Variants in CRHR2 observed in about 807,000 individuals in gnomAD.
CRHR2 encodes the protein corticotropin releasing hormone receptor 2.
A neutral mutation model predicts 57.9 loss-of-function variants in CRHR2; 53 were observed. The ratio of observed to expected loss-of-function variants is 0.92; its 90% confidence interval spans 0.73 to 1.15. CRHR2 has a LOEUF of 1.15. Ranked by LOEUF, CRHR2 falls within the 50% of genes most tolerant of loss-of-function variation. CRHR2 has a pLI of 0.00. For missense variants in CRHR2, 532 were observed against 542.6 expected (o/e 0.98, Z 0.19); for synonymous variants, 213 against 220.9 (o/e 0.96, Z 0.32).
At chr7:30,692,256 G>A (rs969615734) in intron 1 of CRHR2, among the ~76,000 whole-genome samples, 3 of 152,156 alleles carry the variant, frequency 2.0e-5, no homozygotes, top group Non-Finnish European at 4.4e-5. Context: ...TCCCCTCATC[G>A]GGACTCCCAA....
chr7:30,694,668 A>G (rs1019073182), intron 1 of CRHR2, among the ~76,000 whole-genome samples: 6 of 151,946 alleles, frequency 3.9e-5, no homozygotes, highest in Non-Finnish European at 8.8e-5. Context: ...CTCAGCTGGG[A>G]GGGGCAGCAT....
intron 11 of CRHR2, among the ~76,000 whole-genome samples, chr7:30,654,354 T>C: frequency 6.6e-6 from 1 of 152,194 alleles, no homozygotes; most frequent in East Asian, 1.9e-4. Flanking sequence ...ACTTTGCAAG[T>C]GGAATGTGCT....
chr7:30,653,706 T>C lies in CRHR2; in HGVS notation c.1096-106A>G. The C allele has an allele frequency of 7.3e-7, 1 of 1,367,772 alleles. No homozygotes were observed. Among genetic ancestry groups the C allele is most frequent in the Non-Finnish European group, 9.7e-7 (1 of 1,030,458 alleles). 84.7% of individuals were successfully genotyped at this position (1,367,772 alleles called of 1,614,324 possible). A position where few individuals can be genotyped will look rare whatever the true frequency, so the allele number is the denominator to read the frequency against. On this transcript the variant is annotated intron_variant, in intron 11 of 11. Transcript: ENST00000471646. The surrounding 1 kb of genome is among the most constrained non-coding windows in gnomAD (Gnocchi z 5.0). ...TCTCATGGGTCGACTGCCACCCTCA[T>C]GACAAGGAACTGTCTGCTTCCAAAA...
At chr7:30,659,591 CGGT>C (rs1783918460) in intron 8 of CRHR2, among the ~76,000 whole-genome samples, 1 of 152,172 alleles carries the variant, frequency 6.6e-6, no homozygotes, top group Non-Finnish European at 1.5e-5. Context: ...CAAGCCCTGA[CGGT>C]GGAATTTCCA....
intron 8 of CRHR2, among the ~76,000 whole-genome samples, chr7:30,657,990 A>G (rs962480542): frequency 3.3e-5 from 5 of 152,112 alleles, no homozygotes; most frequent in African/African-American, 1.2e-4. Context: ...CCGTCTATCC[A>G]TTCATCTACC....
At chr7:30,686,597 A>G (rs1482749318), upstream of CRHR2, 5 of 1,359,564 alleles carry the variant, frequency 3.7e-6, no homozygotes, top group South Asian at 1.3e-5. Flanking sequence ...TTGCTTGAGC[A>G]CAGGAATTCA....
rs1032084775 is a variant in CRHR2, at chr7:30,653,691, C to T, written c.1096-91G>A. ...TCCTCTGCTTTCTGCTCTCATGGGT[C>T]GACTGCCACCCTCATGACAAGGAAC... On this transcript the variant is annotated intron_variant, in intron 11 of 11. Coordinates refer to ENST00000471646, the MANE Select transcript of CRHR2 (RefSeq NM_001883.5). This position sits in a 1 kb window ranked among gnomAD's most constrained non-coding sequence, Gnocchi z 5.0. The T allele has an allele frequency of 1.4e-6, 2 of 1,433,130 alleles. No homozygotes were observed. The highest frequency in any genetic ancestry group is 2.5e-4 in the Middle Eastern group (1 of 3,936). The allele number at this position is 1,433,130 out of a possible 1,614,324, so 88.8% of individuals were successfully genotyped here.
intron 2 of CRHR2, among the ~76,000 whole-genome samples, chr7:30,677,166 C>A (rs73685766): frequency 6.6e-6 from 1 of 151,268 alleles, no homozygotes; most frequent in Non-Finnish European, 1.5e-5. Flanking sequence ...GAGATGGAGT[C>A]GGGGGATGAA....
chr7:30,682,123 CCAGCGCGCGAGAGAAGGAGCCCG>C, intron 1 of CRHR2, 32 bp downstream of exon 1: 1 of 1,534,710 alleles, frequency 6.5e-7, no homozygotes, highest in Non-Finnish European at 8.7e-7. Flanking sequence ...AGGGGCGCAC[CCAGCGCGCGAGAGAAGGAGCCCG>C]CGCAGCCTCC....
At chr7:30,661,329 G>A (rs1783990534) in intron 7 of CRHR2, among the ~76,000 whole-genome samples, 1 of 152,216 alleles carries the variant, frequency 6.6e-6, no homozygotes, top group South Asian at 2.1e-4. Context: ...GTCATCCAGT[G>A]CAGACCTGCC....
At chr7:30,654,486 G>A (rs1783699228) in intron 11 of CRHR2, among the ~76,000 whole-genome samples, 1 of 152,178 alleles carries the variant, frequency 6.6e-6, no homozygotes, top group Non-Finnish European at 1.5e-5. Flanking sequence ...TCTGCTCTTT[G>A]CTCCATGTCC....
chr7:30,689,788 C>T (rs1046279614), intron 1 of CRHR2, among the ~76,000 whole-genome samples: 2 of 152,214 alleles, frequency 1.3e-5, no homozygotes, highest in Non-Finnish European at 2.9e-5. Flanking sequence ...CATGATTTAA[C>T]TTTGTTTCCC....
chr7:30,669,027 C>T (rs149427319), intron 2 of CRHR2, among the ~76,000 whole-genome samples: 4 of 152,294 alleles, frequency 2.6e-5, no homozygotes, highest in African/African-American at 9.6e-5. Context: ...TGTCACTGAA[C>T]TAAAAAAGCA....
chr7:30,685,034 T>A (rs143276692), upstream of CRHR2, among the ~76,000 whole-genome samples: 6 of 152,276 alleles, frequency 3.9e-5, no homozygotes, highest in East Asian at 1.2e-3. Context: ...TGGAACAGTT[T>A]GTGTGTCCCC....
chr7:30,670,551 G>A (rs1020689493), intron 2 of CRHR2, among the ~76,000 whole-genome samples: 3 of 152,268 alleles, frequency 2.0e-5, no homozygotes, highest in African/African-American at 7.2e-5. Flanking sequence ...CCTGCCTGCA[G>A]ATGAGCTTCT....
upstream of CRHR2, among the ~76,000 whole-genome samples, chr7:30,685,365 A>C (rs1289221930): frequency 6.6e-6 from 1 of 152,216 alleles, no homozygotes; most frequent in Non-Finnish European, 1.5e-5. Flanking sequence ...TCAGCTGGAA[A>C]ACAGGATTTA....
chr7:30,696,451 G>A (rs557750994), intron 1 of CRHR2, among the ~76,000 whole-genome samples: 2 of 152,306 alleles, frequency 1.3e-5, no homozygotes, highest in East Asian at 1.9e-4. Flanking sequence ...GCCAGGCGCG[G>A]TGGTTCACAC....
At chr7:30,667,489 T>C (rs1784225063) in intron 2 of CRHR2, among the ~76,000 whole-genome samples, 176 bp from the exon 3 acceptor site, 1 of 152,206 alleles carries the variant, frequency 6.6e-6, no homozygotes, top group African/African-American at 2.4e-5. Flanking sequence ...CACAAAAGGC[T>C]CATCTTACAA....
chr7:30,653,501 G>T lies in CRHR2; in HGVS notation c.1195C>A (p.Arg399=), dbSNP rs757121565. The stretch of plus-strand genomic sequence containing the variant: ...TGCTTGATGCTGTGGAAGCTGATCC[G>T]TGTGGGTGATGTAGGGATGGACATG... ...RAMSIPTSPT[R]ISFHSIKQTA... is the part of the protein sequence containing the mutation. Residue 399 remains arginine, a synonymous_variant, in exon 12 of 12, where the codon CGG becomes AGG. Transcript: ENST00000471646. The surrounding 1 kb of genome is among the most constrained non-coding windows in gnomAD (Gnocchi z 5.0). 1 of 1,613,618 alleles carries T rather than the reference G, an allele frequency of 6.2e-7. No homozygotes were observed. Among genetic ancestry groups the T allele is most frequent in the South Asian group, 1.1e-5 (1 of 91,076 alleles).
Sources: allele counts gnomAD v4.1 joint callset (sites outside exome capture counted in the v4.1 genomes callset), GRCh38; gene constraint gnomAD v4.1.1; non-coding constraint Gnocchi (gnomAD v3.1); transcripts MANE v1.5; gene names NCBI Gene and HGNC (gene_info 2026-07-23, HGNC 2026-07-21).